TENM3: variants seen among roughly 807,000 people sequenced by gnomAD.
TENM3 encodes teneurin transmembrane protein 3.
TENM3 carries 63 observed loss-of-function variants against 255.1 expected under a neutral mutation model. That is an observed-to-expected ratio of 0.25 (90% CI 0.20 to 0.30). TENM3 has a LOEUF of 0.30. TENM3 is among the 10% of genes least tolerant of loss of function. The probability of loss-of-function intolerance (pLI) is 1.00; values close to 1 mark genes in which losing one functional copy is unlikely to be tolerated. For synonymous variants in TENM3, 1,306 were observed against 1,322.3 expected, an observed-to-expected ratio of 0.99 and a Z score of 0.27; for missense variants, 2,929 against 3,461.1, an observed-to-expected ratio of 0.85 and a Z score of 3.86.
the TENM3 span, among the ~76,000 whole-genome samples, chr4:181,916,221 T>C: frequency 9.8e-5 from 15 of 152,312 alleles, no homozygotes; most frequent in East Asian, 2.9e-3. Flanking sequence ...TACCCTCTGA[T>C]ATTCTAGGCT....
In TENM3 at chr4:182,418,943, G is replaced by T. The variant is rs149374033; in HGVS notation, c.511+72014G>T. Among the ~76,000 whole-genome samples the T allele has an allele frequency of 1.4e-4, 21 of 152,234 alleles. No individual in the cohort carries two copies. The East Asian group carries it at 3.9e-3, about 28-fold the overall frequency. On this transcript the variant is annotated intron_variant, in intron 3 of 27. Transcript: ENST00000511685. ...ACCTCTCAACAGACCTCAGATCTGC[G>T]GCACGTTCCGTCCTTAGGGTTATGA...
At chr4:181,601,089 C>T in the TENM3 span, among the ~76,000 whole-genome samples, 1 of 152,168 alleles carries the variant, frequency 6.6e-6, no homozygotes, top group Non-Finnish European at 1.5e-5. Context: ...TACCGGTGCA[C>T]ATCGGCAAGA....
At chr4:182,600,260 A>G (rs6827988) in intron 3 of TENM3, among the ~76,000 whole-genome samples, 28,922 of 152,180 alleles carry the variant, frequency 0.19, 3,128 homozygotes, top group South Asian at 0.29. Flanking sequence ...CATTAAGTAT[A>G]TGAGTCTTCT....
At chr4:182,027,626 T>A in the TENM3 span, among the ~76,000 whole-genome samples, 1 of 152,092 alleles carries the variant, frequency 6.6e-6, no homozygotes, top group Non-Finnish European at 1.5e-5. Flanking sequence ...ATATGGCTTT[T>A]ATTATGCATG....
the TENM3 span, among the ~76,000 whole-genome samples, chr4:181,460,095 A>G: frequency 6.6e-6 from 1 of 151,938 alleles, no homozygotes; most frequent in Non-Finnish European, 1.5e-5. Flanking sequence ...ATGGTATTGT[A>G]GTATAAATTC....
At chr4:182,246,986 C>T (rs148288767) in intron 1 of TENM3, among the ~76,000 whole-genome samples, 3 of 152,242 alleles carry the variant, frequency 2.0e-5, no homozygotes, top group Non-Finnish European at 2.9e-5. Flanking sequence ...ATGCCCACAT[C>T]GAAGCTCTCA....
the TENM3 span, among the ~76,000 whole-genome samples, chr4:181,519,759 T>C: frequency 4.2e-3 from 637 of 152,268 alleles, 3 homozygotes; most frequent in Middle Eastern, 0.01. Context: ...AAATTGTTCG[T>C]GGGGGCTGGG....
At chr4:182,161,134 C>CTG (rs1405462407) in intron 1 of TENM3, among the ~76,000 whole-genome samples, 32 of 115,616 alleles carry the variant, frequency 2.8e-4, no homozygotes, top group South Asian at 1.0e-3. Flanking sequence ...CAAAAATTAG[C>CTG]GGCCGGGCGC....
At position 182,736,845 on chromosome 4, in the gene TENM3, T is replaced by C. The variant is rs748066400; in HGVS notation, c.3005T>C (p.Leu1002Ser). The change falls in exon 17 of 28, where the codon TTG becomes TCG. Residue 1002 changes from leucine to serine, a missense_variant. By Grantham distance (145) the Leu-to-Ser change is moderately radical (BLOSUM62 -2). This residue lies in a region of TENM3 where 1,608 missense variants were observed against 1,884.4 expected (regional missense o/e 0.85). Coordinates refer to ENST00000511685, the MANE Select transcript of TENM3 (RefSeq NM_001080477.4). ...GAAACTACAATTCCAGGAACAGATTTGAAACTCTCCTACTTGAGTTCCAGA... is the reference window on the plus strand; with the variant it reads ...GAAACTACAATTCCAGGAACAGATTCGAAACTCTCCTACTTGAGTTCCAGA... Reference protein sequence around the residue: ...HEETTIPGTDLKLSYLSSRAA... With the variant: ...HEETTIPGTDSKLSYLSSRAA... The C allele has an allele frequency of 3.7e-6, 6 of 1,613,722 alleles. No homozygotes were observed. The highest frequency in any genetic ancestry group is 2.2e-5 in the East Asian group (1 of 44,866).
the TENM3 span, among the ~76,000 whole-genome samples, chr4:181,663,085 T>C: frequency 6.6e-6 from 1 of 152,204 alleles, no homozygotes; most frequent in Non-Finnish European, 1.5e-5. Context: ...CAATTTCTAA[T>C]TGGTAAAATG....
At chr4:182,584,156 T>C (rs1581015761) in intron 3 of TENM3, among the ~76,000 whole-genome samples, 1 of 152,312 alleles carries the variant, frequency 6.6e-6, no homozygotes, top group East Asian at 1.9e-4. Flanking sequence ...CACACACACT[T>C]CATAAAACAG....
intron 13 of TENM3, among the ~76,000 whole-genome samples, chr4:182,728,524 A>T (rs958830370): frequency 2.0e-5 from 3 of 152,146 alleles, no homozygotes; most frequent in Non-Finnish European, 2.9e-5. Flanking sequence ...TCACATACTG[A>T]TGGGGATATG....
the TENM3 span, among the ~76,000 whole-genome samples, chr4:181,689,338 G>T: frequency 6.6e-6 from 1 of 152,112 alleles, no homozygotes; most frequent in Non-Finnish European, 1.5e-5. Flanking sequence ...TTTTCTTTCT[G>T]TTTGTTGTTT....
At chr4:181,850,755 G>A in the TENM3 span, among the ~76,000 whole-genome samples, 1 of 151,780 alleles carries the variant, frequency 6.6e-6, no homozygotes, top group African/African-American at 2.4e-5. Flanking sequence ...TAAAATATTG[G>A]TCTTAGAATT....
At chr4:182,161,738 AATATATGTGTATAT>A (rs1751255216) in intron 1 of TENM3, among the ~76,000 whole-genome samples, 1 of 42,572 alleles carries the variant, frequency 2.3e-5, no homozygotes, top group East Asian at 5.2e-4. Flanking sequence ...TATATACACA[AATATATGTGTATAT>A]ATATACATAT....
chr4:182,482,812 T>C (rs945635641), intron 3 of TENM3, among the ~76,000 whole-genome samples: 4 of 152,176 alleles, frequency 2.6e-5, no homozygotes, highest in African/African-American at 9.7e-5. Context: ...GATGCCTTCT[T>C]TGTAACATAT....
chr4:182,765,673 A>G (rs1763655855), intron 22 of TENM3, among the ~76,000 whole-genome samples: 1 of 152,140 alleles, frequency 6.6e-6, no homozygotes, highest in South Asian at 2.1e-4. Context: ...AGATGAAACT[A>G]AAAACCTGGG....
At chr4:181,688,797 T>A in the TENM3 span, among the ~76,000 whole-genome samples, 1 of 152,208 alleles carries the variant, frequency 6.6e-6, no homozygotes, top group African/African-American at 2.4e-5. Flanking sequence ...CTCCAACTAT[T>A]AAGCAAGATG....
the TENM3 span, among the ~76,000 whole-genome samples, chr4:181,453,460 G>A: frequency 3.3e-5 from 5 of 152,170 alleles, no homozygotes; most frequent in East Asian, 9.7e-4. Context: ...TGGATATGAA[G>A]ACATAGTGAG....
Sources: allele counts gnomAD v4.1 joint callset (sites outside exome capture counted in the v4.1 genomes callset), GRCh38; gene constraint gnomAD v4.1.1; regional missense constraint gnomAD v4.1.1; transcripts MANE v1.5; gene names NCBI Gene and HGNC (gene_info 2026-07-23, HGNC 2026-07-21).